CCDC191: variants seen among roughly 807,000 people sequenced by gnomAD.
The protein encoded by CCDC191 is coiled-coil domain-containing protein 191.
CCDC191 carries 99 observed loss-of-function variants against 114.0 expected under a neutral mutation model. The ratio of observed to expected loss-of-function variants is 0.87; its 90% CI spans 0.74 to 1.03. CCDC191 has a LOEUF of 1.03. CCDC191 is among the 50% of genes least tolerant of loss of function. The pLI is 0.00. For missense variants in CCDC191, 973 were observed against 1,087.0 expected (o/e 0.90, Z 1.47); for synonymous variants, 351 against 376.0 (o/e 0.93, Z 0.77).
chr3:113,992,501 T>G (rs2075601406), intron 13 of CCDC191, among the ~76,000 whole-genome samples: 1 of 151,920 alleles, frequency 6.6e-6, no homozygotes, highest in Non-Finnish European at 1.5e-5. Context: ...ATTGAATGAG[T>G]AATTTAAAAA....
chr3:114,021,685 C>G (rs949357180), intron 7 of CCDC191, among the ~76,000 whole-genome samples: 16 of 152,218 alleles, frequency 1.1e-4, no homozygotes, highest in African/African-American at 3.6e-4. Context: ...CTCCCTCCCC[C>G]CAGCTTACTT....
intron 4 of CCDC191, among the ~76,000 whole-genome samples, chr3:114,038,033 CTG>C (rs1221077410): frequency 6.6e-6 from 1 of 152,198 alleles, no homozygotes; most frequent in Admixed American, 6.5e-5. Flanking sequence ...AACTATCAAA[CTG>C]TTGTCCAAAG....
At chr3:114,006,611 T>TATATATATATATATAA (rs1553747190) in intron 9 of CCDC191, among the ~76,000 whole-genome samples, 1 of 125,872 alleles carries the variant, frequency 7.9e-6, no homozygotes, top group Non-Finnish European at 1.7e-5. Flanking sequence ...TATATATATA[T>TATATATATATATATAA]ATATATAAAT....
chr3:113,993,556 T>A (rs1340949181), intron 13 of CCDC191, among the ~76,000 whole-genome samples: 1 of 152,076 alleles, frequency 6.6e-6, no homozygotes, highest in Admixed American at 6.6e-5. Flanking sequence ...AAAAATAAAT[T>A]ACAGCATACC....
intron 7 of CCDC191, among the ~76,000 whole-genome samples, chr3:114,029,848 C>G (rs1196915340): frequency 6.6e-6 from 1 of 152,096 alleles, no homozygotes; most frequent in Non-Finnish European, 1.5e-5. Context: ...CTGACCAGTT[C>G]TCTTCAGAAA....
chr3:113,981,266 A>G (rs1281791264), intron 13 of CCDC191, among the ~76,000 whole-genome samples: 1 of 152,206 alleles, frequency 6.6e-6, no homozygotes, highest in East Asian at 1.9e-4. Context: ...GGCAAGTTAA[A>G]GATAGTTGAT....
At chr3:114,022,362 G>A (rs1490666757) in intron 7 of CCDC191, among the ~76,000 whole-genome samples, 1 of 152,124 alleles carries the variant, frequency 6.6e-6, no homozygotes, top group Non-Finnish European at 1.5e-5. Context: ...CCTGTCACTA[G>A]AGATGCTTGT....
chr3:114,046,522 A>T, intron 3 of CCDC191, 69 bp downstream of exon 3: 1 of 969,790 alleles, frequency 1.0e-6, no homozygotes, highest in Non-Finnish European at 1.7e-6. Context: ...TCCATTCTCT[A>T]CTTTGAAATG....
intron 13 of CCDC191, among the ~76,000 whole-genome samples, chr3:113,989,325 A>G (rs1341560967): frequency 6.6e-6 from 1 of 152,240 alleles, no homozygotes; most frequent in Non-Finnish European, 1.5e-5. Flanking sequence ...TTTCTAGAGC[A>G]GACCAATGGC....
At chr3:114,049,047 G>A (rs551572516) in intron 2 of CCDC191, among the ~76,000 whole-genome samples, 1 of 152,192 alleles carries the variant, frequency 6.6e-6, no homozygotes, top group African/African-American at 2.4e-5. Context: ...AAATTCTTGT[G>A]CGTTTCATAC....
Position 114,010,868 on chromosome 3 carries a change from T to C in CCDC191, c.1317A>G (p.Ala439=). Residue 439 remains alanine, a synonymous_variant, in exon 9 of 17, where the codon GCA becomes GCG. Coordinates refer to ENST00000295878, the MANE Select transcript of CCDC191 (RefSeq NM_020817.2). ...TGGCACTGAGTTTCCCCAGTGATGC[T>C]GCCTGCAGCAGTGCATCCATCTTCT... ...TRKKMDALLQ[A]ASLGKLSANG... The C allele has an allele frequency of 6.2e-7, 1 of 1,614,116 alleles. No individual in the cohort carries two copies.
In CCDC191 at chr3:114,002,332, A is replaced by G; in HGVS notation, c.2061+124T>C. On this transcript the variant is annotated intron_variant, in intron 12 of 16. Coordinates refer to ENST00000295878, the MANE Select transcript of CCDC191 (RefSeq NM_020817.2). ...GGAATTCAGGCCACTAGGCCAAAAAACCATTTCCAAAGTTGATGTAACTCT... is the reference window on the plus strand; with the variant it reads ...GGAATTCAGGCCACTAGGCCAAAAAGCCATTTCCAAAGTTGATGTAACTCT... The G allele has an allele frequency of 6.1e-6, 4 of 658,242 alleles. No homozygotes were observed. In the South Asian group the frequency reaches 9.8e-5, roughly 16 times the overall value. 40.8% of individuals were successfully genotyped at this position (658,242 alleles called of 1,614,324 possible).
At chr3:113,966,010 T>C (rs1225993009) in intron 16 of CCDC191, among the ~76,000 whole-genome samples, 1 of 152,108 alleles carries the variant, frequency 6.6e-6, no homozygotes, top group Non-Finnish European at 1.5e-5. Context: ...GTTGATCTGA[T>C]TATAGCATAC....
intron 6 of CCDC191, 30 bp from the exon 7 acceptor site, chr3:114,031,809 T>C (rs116661848): frequency 3.3e-5 from 32 of 959,208 alleles, no homozygotes; most frequent in Non-Finnish European, 5.1e-5. Flanking sequence ...AATACATGTA[T>C]ATTTACAATA....
chr3:113,976,272 A>C (rs1401345631), intron 16 of CCDC191, among the ~76,000 whole-genome samples: 1 of 151,966 alleles, frequency 6.6e-6, no homozygotes, highest in East Asian at 1.9e-4. Flanking sequence ...GTAAAAAAAA[A>C]AACAAAACAA....
chr3:114,055,337 T>A (rs1159786569), intron 1 of CCDC191, among the ~76,000 whole-genome samples: 1 of 152,240 alleles, frequency 6.6e-6, no homozygotes, highest in Non-Finnish European at 1.5e-5. Context: ...ATCAAGTCCA[T>A]ATCTATATCC....
chr3:114,013,810 T>A (rs977958592), intron 8 of CCDC191, among the ~76,000 whole-genome samples: 10 of 152,184 alleles, frequency 6.6e-5, no homozygotes, highest in Admixed American at 4.6e-4. Context: ...GACTGGTGCA[T>A]GTTTTGGAAC....
At chr3:114,037,821 T>C (rs2076507022) in intron 4 of CCDC191, among the ~76,000 whole-genome samples, 1 of 152,244 alleles carries the variant, frequency 6.6e-6, no homozygotes, top group Non-Finnish European at 1.5e-5. Flanking sequence ...TTGTTATATG[T>C]ATTGTTTGGG....
chr3:113,968,232 C>T (rs1479893098), intron 16 of CCDC191, among the ~76,000 whole-genome samples: 1 of 152,144 alleles, frequency 6.6e-6, no homozygotes, highest in African/African-American at 2.4e-5. Context: ...AATGGCTGTA[C>T]TAATTTACAC....
Sources: gnomAD v4.1 joint callset for allele counts (sites outside exome capture counted in the v4.1 genomes callset) on GRCh38, gnomAD v4.1.1 for gene constraint, MANE v1.5 for transcripts, NCBI Gene and HGNC (gene_info 2026-07-23, HGNC 2026-07-21) for gene names.